Variants in MITF observed in about 807,000 individuals in gnomAD.
The protein encoded by MITF is melanocyte inducing transcription factor.
In MITF, 17 loss-of-function variants were observed where a neutral mutation model predicts 60.5. That is an observed-to-expected ratio of 0.28 (90% confidence interval 0.19 to 0.42). The LOEUF (loss-of-function observed/expected upper bound fraction) is 0.42. MITF is among the 10% of genes least tolerant of loss of function. The pLI, the probability that MITF is intolerant of heterozygous loss-of-function variation, is 1.00. For synonymous variants in MITF, 260 were observed against 248.5 expected (o/e 1.05, Z -0.43); for missense variants, 622 against 683.5 (o/e 0.91, Z 1.00).
chr3:69,892,272 T>C (rs1350630359), intron 2 of MITF, among the ~76,000 whole-genome samples: 1 of 152,200 alleles, frequency 6.6e-6, no homozygotes, highest in African/African-American at 2.4e-5. Flanking sequence ...CTTAAAAATA[T>C]TATTTTTTGT....
chr3:69,937,788 C>A, intron 2 of MITF, 34 bp from the exon 3 acceptor site: 1 of 1,570,562 alleles, frequency 6.4e-7, no homozygotes, highest in Middle Eastern at 1.7e-4. Flanking sequence ...CAAATAACAG[C>A]GCTGTTTTCT....
chr3:69,840,085 A>T (rs2063608393), intron 1 of MITF, among the ~76,000 whole-genome samples: 1 of 152,226 alleles, frequency 6.6e-6, no homozygotes, highest in Non-Finnish European at 1.5e-5. Context: ...ATTATGGAAT[A>T]GAATCTGAGA....
chr3:69,961,434 C>T (rs567455901), intron 9 of MITF, among the ~76,000 whole-genome samples: 208 of 143,462 alleles, frequency 1.4e-3, no homozygotes, highest in Non-Finnish European at 2.2e-3. Flanking sequence ...TGGCCGGGTG[C>T]GGTGGTTCAC....
chr3:69,825,218 C>T (rs971658684), intron 1 of MITF, among the ~76,000 whole-genome samples: 5 of 151,962 alleles, frequency 3.3e-5, no homozygotes, highest in African/African-American at 1.2e-4. Flanking sequence ...GCTTGTGTTG[C>T]AAAAAACAAG....
chr3:69,886,337 T>C (rs1461398275), intron 2 of MITF, among the ~76,000 whole-genome samples: 1 of 152,052 alleles, frequency 6.6e-6, no homozygotes, highest in Admixed American at 6.6e-5. Context: ...ATAGGGTGGA[T>C]TGGATGGTGG....
At chr3:69,918,047 C>T (rs186871931) in intron 2 of MITF, among the ~76,000 whole-genome samples, 1 of 152,028 alleles carries the variant, frequency 6.6e-6, no homozygotes, top group East Asian at 1.9e-4. Flanking sequence ...CAGTCATGTA[C>T]ATTATGGGTT....
At chr3:69,807,032 T>C (rs1481098637) in intron 1 of MITF, among the ~76,000 whole-genome samples, 1 of 152,222 alleles carries the variant, frequency 6.6e-6, no homozygotes, top group African/African-American at 2.4e-5. Context: ...GCTGCGTAGA[T>C]TGTTCAGAAT....
At chr3:69,773,083 G>A (rs1406425017) in intron 1 of MITF, among the ~76,000 whole-genome samples, 1 of 152,170 alleles carries the variant, frequency 6.6e-6, no homozygotes, top group African/African-American at 2.4e-5. Context: ...CTGAGAAAAT[G>A]ACATTTGAGA....
intron 1 of MITF, among the ~76,000 whole-genome samples, chr3:69,777,245 G>GA (rs2062489333): frequency 6.6e-6 from 1 of 152,140 alleles, no homozygotes; most frequent in South Asian, 2.1e-4. Flanking sequence ...TCTTAACTGA[G>GA]ATTATGTTCA....
At position 69,966,518 on chromosome 3, in the gene MITF, G is replaced by A. The variant is rs137975240; in HGVS notation, c.*1270G>A. On this transcript the variant is annotated 3_prime_UTR_variant, in exon 10 of 10. Transcript: ENST00000352241. ...AGATTGATAACCATAGCATTAATAC[G>A]CCCATTATGGTCATTTAAATTGGGG... is the stretch of plus-strand genomic sequence containing the variant. 417 of 232,768 alleles carry A rather than the reference G, an allele frequency of 1.8e-3. 1 individual carries two copies. The highest frequency in any genetic ancestry group is 7.9e-3 in the African/African-American group (357 of 45,402). The allele number at this position is 232,768 out of a possible 1,614,324, so 14.4% of individuals were successfully genotyped here.
At chr3:69,784,651 T>C (rs955766215) in intron 1 of MITF, among the ~76,000 whole-genome samples, 4 of 152,188 alleles carry the variant, frequency 2.6e-5, no homozygotes, top group Admixed American at 1.3e-4. Flanking sequence ...TTGAGGAAGC[T>C]GAACTAGCCA....
chr3:69,822,906 T>TG (rs1420491625), intron 1 of MITF, among the ~76,000 whole-genome samples: 5 of 151,854 alleles, frequency 3.3e-5, no homozygotes, highest in Admixed American at 2.6e-4. Context: ...GGTGTTTGTT[T>TG]TTTTTTTTTT....
At chr3:69,853,045 A>T (rs1402958150) in intron 1 of MITF, among the ~76,000 whole-genome samples, 1 of 152,212 alleles carries the variant, frequency 6.6e-6, no homozygotes, top group Admixed American at 6.5e-5. Flanking sequence ...CATTAAAAAA[A>T]AATTCATTCA....
rs1360201128 is a variant in MITF, at chr3:69,966,590, G to A, written c.*1342G>A. The A allele has an allele frequency of 3.4e-5, 8 of 232,988 alleles. No homozygotes were observed. Among genetic ancestry groups the A allele is most frequent in the Non-Finnish European group, 6.8e-5 (8 of 117,750 alleles). 14.4% of individuals were successfully genotyped at this position (232,988 alleles called of 1,614,324 possible). A position where few individuals can be genotyped will look rare whatever the true frequency, so the allele number is the denominator to read the frequency against. Reference sequence around the variant, plus strand: ...AATTTATTTTTAAGAAAGAAATACTGTATTGGGAAGTTACTGTTACTTGAT... The same window carrying A: ...AATTTATTTTTAAGAAAGAAATACTATATTGGGAAGTTACTGTTACTTGAT... On this transcript the variant is annotated 3_prime_UTR_variant, in exon 10 of 10. Transcript: ENST00000352241.
chr3:69,914,845 A>G (rs753698051), intron 2 of MITF, among the ~76,000 whole-genome samples: 1 of 152,196 alleles, frequency 6.6e-6, no homozygotes, highest in Non-Finnish European at 1.5e-5. Flanking sequence ...AGTTAAGGCC[A>G]TTATACTCTA....
At chr3:69,963,970 CTTTTTTTTTTT>C (rs56921812) in intron 9 of MITF, among the ~76,000 whole-genome samples, 4 of 86,124 alleles carry the variant, frequency 4.6e-5, no homozygotes, top group African/African-American at 1.9e-4. Flanking sequence ...TTTTTCTTTT[CTTTTTTTTTTT>C]TTTTTTTTTT....
chr3:69,880,599 G>A lies in MITF; in HGVS notation c.354+1216G>A, dbSNP rs73838672. ...TTCCTCTTTCTTTTTTTACCCGTCA[G>A]TTAACTCAAGGTTTTCTCTCTGGAG... On this transcript the variant is annotated intron_variant, in intron 2 of 9. Transcript: ENST00000352241. Among the ~76,000 whole-genome samples, 336 of 152,046 alleles carry A rather than the reference G, an allele frequency of 2.2e-3. 3 individuals carry two copies. The highest frequency in any genetic ancestry group is 7.9e-3 in the African/African-American group (327 of 41,524).
At chr3:69,865,883 G>T (rs543990713) in intron 1 of MITF, among the ~76,000 whole-genome samples, 1 of 152,294 alleles carries the variant, frequency 6.6e-6, no homozygotes, top group South Asian at 2.1e-4. Flanking sequence ...TGTGACTCCA[G>T]TAAGTGTTGA....
chr3:69,920,949 C>T (rs1200385217), intron 2 of MITF, among the ~76,000 whole-genome samples: 2 of 152,172 alleles, frequency 1.3e-5, no homozygotes, highest in African/African-American at 4.8e-5. Flanking sequence ...CTCACTGCAA[C>T]CTCCACCTCC....
Sources: allele counts gnomAD v4.1 joint callset (sites outside exome capture counted in the v4.1 genomes callset), GRCh38; gene constraint gnomAD v4.1.1; transcripts MANE v1.5; gene names NCBI Gene and HGNC (gene_info 2026-07-23, HGNC 2026-07-21).